The following DLEC1 variants were observed in gnomAD, a reference collection of about 807,000 sequenced individuals.
The protein encoded by DLEC1 is deleted in lung and esophageal cancer protein 1.
A neutral mutation model predicts 198.1 loss-of-function variants in DLEC1; 146 were observed. The ratio of observed to expected loss-of-function variants is 0.74; its 90% confidence interval spans 0.64 to 0.85. The LOEUF is 0.85. Ranked by LOEUF, DLEC1 falls within the 40% of genes least tolerant of loss-of-function variation. DLEC1 has a pLI of 0.00. For synonymous variants in DLEC1, 897 were observed against 866.8 expected (o/e 1.03, Z -0.61); for missense variants, 2,233 against 2,220.0 (o/e 1.01, Z -0.12).
In DLEC1 at chr3:38,122,741, A is replaced by G; in HGVS notation, c.*329A>G. The G allele has an allele frequency of 7.7e-7, 1 of 1,295,440 alleles. No homozygotes were observed. Among genetic ancestry groups the G allele is most frequent in the Non-Finnish European group, 1.0e-6 (1 of 981,840 alleles). 80.2% of individuals were successfully genotyped at this position (1,295,440 alleles called of 1,614,324 possible). A position where few individuals can be genotyped will look rare whatever the true frequency, so the allele number is the denominator to read the frequency against. On this transcript the variant is annotated 3_prime_UTR_variant, in exon 37 of 37. Coordinates refer to ENST00000308059, the MANE Select transcript of DLEC1 (RefSeq NM_007335.4). ...AAATTCATGCACTTTTACTATGCCC[A>G]TTGCACTTCTCATCCATGGATTTGC...
Position 38,108,532 on chromosome 3 carries a change from A to G in DLEC1, c.3129+17A>G, listed in dbSNP as rs1217026945. 1 of 1,607,060 alleles carries G rather than the reference A, an allele frequency of 6.2e-7. No homozygotes were observed. The highest frequency in any genetic ancestry group is 1.1e-5 in the South Asian group (1 of 90,644). ...CATACCCAGGTGAGTAAGGCAATGT[A>G]GGGCCTGAGTGACCGGGAAGGCACC... On this transcript the variant is annotated intron_variant, in intron 21 of 36. Transcript: ENST00000308059.
At chr3:38,095,762 G>T in intron 13 of DLEC1, 126 bp from the exon 14 acceptor site, 1 of 1,226,044 alleles carries the variant, frequency 8.2e-7, no homozygotes, top group Non-Finnish European at 1.2e-6. Flanking sequence ...AGCAACCCTG[G>T]GTTTTCAGAA....
rs1699306002 is a variant in DLEC1 at position 38,101,523 on chromosome 3, CTG to C, written c.2864+1100_2864+1101del. ...TCGTTAAACTATATATATGTTTAAA[CTG>C]TATATATGTTTTATACTCATTTTTG... On this transcript the variant is annotated intron_variant, in intron 19 of 36. Transcript: ENST00000308059. 2.0e-5 allele frequency among the ~76,000 whole-genome samples: 3 copies of C among 152,028 alleles called. No individual in the cohort carries two copies. In the South Asian group the frequency reaches 6.2e-4, roughly 32 times the overall value.
intron 1 of DLEC1, among the ~76,000 whole-genome samples, chr3:38,043,060 A>T (rs1700731663): frequency 6.6e-6 from 1 of 152,146 alleles, no homozygotes; most frequent in Non-Finnish European, 1.5e-5. Context: ...CCCCGTTGGC[A>T]GCTGATCTTC....
At position 38,112,123 on chromosome 3, in the gene DLEC1, G is replaced by A; in HGVS notation, c.3515-87G>A. 1.3e-6 allele frequency: 2 copies of A among 1,581,578 alleles called. No individual in the cohort carries two copies. Among genetic ancestry groups the A allele is most frequent in the Non-Finnish European group, 8.6e-7 (1 of 1,160,132 alleles). On this transcript the variant is annotated intron_variant, in intron 24 of 36. Coordinates refer to ENST00000308059, the MANE Select transcript of DLEC1 (RefSeq NM_007335.4). This position sits in a 1 kb window ranked among gnomAD's most constrained non-coding sequence, Gnocchi z 4.8. ...GAGAGGCTGGAGGGTGGCTTATCGGGGACAGTGCTTTGCTCACACACGAGG... is the reference window on the plus strand; with the variant it reads ...GAGAGGCTGGAGGGTGGCTTATCGGAGACAGTGCTTTGCTCACACACGAGG...
chr3:38,088,487 C>G, intron 10 of DLEC1, 99 bp downstream of exon 10: 1 of 1,138,736 alleles, frequency 8.8e-7, no homozygotes, highest in South Asian at 1.4e-5. Context: ...TCCCATATCA[C>G]AGCCTTAGTG....
intron 23 of DLEC1, among the ~76,000 whole-genome samples, chr3:38,110,807 C>G (rs1699828007): frequency 6.6e-6 from 1 of 151,920 alleles, no homozygotes; most frequent in Admixed American, 6.6e-5. Context: ...TATACACACA[C>G]ATGCATACAC....
At chr3:38,054,433 C>T (rs1696245121) in intron 2 of DLEC1, among the ~76,000 whole-genome samples, 2 of 152,210 alleles carry the variant, frequency 1.3e-5, no homozygotes, top group Non-Finnish European at 2.9e-5. Flanking sequence ...TGACTGAAGA[C>T]ATGAGGTTCC....
chr3:38,085,305 T>C lies in DLEC1; in HGVS notation c.1293T>C (p.Ala431=). ...TCCCAGGAAAAGGTGGAATGGTGGC[T>C]CCTGGAATGACCTGCCAGTACATTG... ...GMFPGKGGMV[A]PGMTCQYIVQ... The change falls in exon 8 of 37, where the codon GCT becomes GCC. Residue 431 remains alanine, a synonymous_variant. Coordinates refer to ENST00000308059, the MANE Select transcript of DLEC1 (RefSeq NM_007335.4). 6.2e-7 allele frequency: 1 copy of C among 1,614,134 alleles called. No homozygotes were observed. Among genetic ancestry groups the C allele is most frequent in the Non-Finnish European group, 8.5e-7 (1 of 1,180,012 alleles).
intron 2 of DLEC1, among the ~76,000 whole-genome samples, chr3:38,059,207 C>G (rs751248908): frequency 6.6e-6 from 1 of 152,202 alleles, no homozygotes; most frequent in African/African-American, 2.4e-5. Context: ...AGGTCAGGCT[C>G]AGGTCTGCTC....
intron 1 of DLEC1, among the ~76,000 whole-genome samples, chr3:38,041,354 G>A (rs1700645016): frequency 6.6e-6 from 1 of 152,036 alleles, no homozygotes; most frequent in Non-Finnish European, 1.5e-5. Context: ...TGTTGCCCAG[G>A]CTGGTCTCAA....
At chr3:38,046,588 C>T (rs113186503) in intron 2 of DLEC1, among the ~76,000 whole-genome samples, 112 of 152,246 alleles carry the variant, frequency 7.4e-4, no homozygotes, top group Non-Finnish European at 1.2e-3. Flanking sequence ...TACACAGTCT[C>T]GGGTATTTAT....
chr3:38,121,514 G>A (rs1222893421), intron 34 of DLEC1, 114 bp from the exon 35 acceptor site: 1 of 1,379,162 alleles, frequency 7.3e-7, no homozygotes, highest in Non-Finnish European at 9.7e-7. Flanking sequence ...ACTTCTGGGA[G>A]CTTCCCGTTT....
Position 38,100,345 on chromosome 3 carries a change from G to A in DLEC1, c.2784G>A (p.Arg928=). Residue 928 remains arginine, a synonymous_variant, in exon 19 of 37, where the codon AGG becomes AGA. Coordinates refer to ENST00000308059, the MANE Select transcript of DLEC1 (RefSeq NM_007335.4). Reference sequence around the variant, plus strand: ...AGCTTCACTCTCTGGGGGAGTGCAGGGTGGACATCACCTTGGAGGCCCTGC... The same window carrying A: ...AGCTTCACTCTCTGGGGGAGTGCAGAGTGGACATCACCTTGGAGGCCCTGC... The part of the protein sequence containing the change: ...SGQLHSLGEC[R]VDITLEALHC... 2.5e-6 allele frequency: 4 copies of A among 1,613,996 alleles called. No homozygotes were observed. Among genetic ancestry groups the A allele is most frequent in the South Asian group, 2.2e-5 (2 of 91,060 alleles).
At chr3:38,098,470 A>G (rs1699146396) in intron 18 of DLEC1, among the ~76,000 whole-genome samples, 1 of 152,254 alleles carries the variant, frequency 6.6e-6, no homozygotes, top group South Asian at 2.1e-4. Context: ...GGAACAAGAC[A>G]AAGTCACACA....
Position 38,097,620 on chromosome 3 carries a change from A to G in DLEC1, c.2548A>G (p.Ile850Val), listed in dbSNP as rs778987376. The change falls in exon 17 of 37, where the codon ATT becomes GTT. Residue 850 changes from isoleucine (I) to valine (V), a missense_variant. By Grantham distance (29) the Ile-to-Val change is conservative. Coordinates refer to ENST00000308059, the MANE Select transcript of DLEC1 (RefSeq NM_007335.4). ...CTCGCCCTCGCCAGTGGTGTTACAC[A>G]TTGAGGCTGTCTTTAAGGTGCTGCA... The part of the protein sequence containing the change: ...EDSPSPVVLH[I>V]EAVFKGPALI... 1.9e-6 allele frequency: 3 copies of G among 1,614,192 alleles called. No homozygotes were observed. The highest frequency in any genetic ancestry group is 2.2e-5 in the South Asian group (2 of 91,084).
chr3:38,051,170 G>A (rs1451559482), intron 2 of DLEC1, among the ~76,000 whole-genome samples: 1 of 152,164 alleles, frequency 6.6e-6, no homozygotes, highest in African/African-American at 2.4e-5. Context: ...CACAGTGCTG[G>A]GATTACAGGC....
intron 1 of DLEC1, among the ~76,000 whole-genome samples, chr3:38,043,582 G>C (rs1478987677): frequency 1.3e-5 from 2 of 152,186 alleles, no homozygotes; most frequent in East Asian, 3.8e-4. Context: ...GCTTTTAAGA[G>C]TTGATTTCAC....
At chr3:38,058,880 T>TA (rs11457020) in intron 2 of DLEC1, among the ~76,000 whole-genome samples, 63,838 of 151,828 alleles carry the variant, frequency 0.42, 13,998 homozygotes, top group East Asian at 0.59. Flanking sequence ...ATAACTGGTC[T>TA]AAAAATAAAG....
Sources: gnomAD v4.1 joint callset for allele counts (sites outside exome capture counted in the v4.1 genomes callset) on GRCh38, gnomAD v4.1.1 for gene constraint, Gnocchi (gnomAD v3.1) non-coding constraint, MANE v1.5 for transcripts, NCBI Gene and HGNC (gene_info 2026-07-23, HGNC 2026-07-21) for gene names.